CDH18: variants seen among roughly 807,000 people sequenced by gnomAD.
CDH18 encodes the protein cadherin 18.
In CDH18, 31 loss-of-function variants were observed where a neutral mutation model predicts 67.9. The ratio of observed to expected loss-of-function variants is 0.46; its 90% CI spans 0.34 to 0.62. The LOEUF is 0.62. CDH18 is among the 20% of genes least tolerant of loss of function. The pLI, the probability that CDH18 is intolerant of heterozygous loss-of-function variation, is 0.01. For missense variants in CDH18, 890 were observed against 975.5 expected, an observed-to-expected ratio of 0.91 and a Z score of 1.17; for synonymous variants, 362 against 347.2, an observed-to-expected ratio of 1.04 and a Z score of -0.48.
chr5:20,527,896 G>C (rs983476028), intron 1 of CDH18, among the ~76,000 whole-genome samples: 1 of 151,928 alleles, frequency 6.6e-6, no homozygotes, highest in Non-Finnish European at 1.5e-5. Context: ...GACAGGATCA[G>C]ATTCACACAT....
At chr5:20,519,225 AG>A (rs1755570230) in intron 1 of CDH18, among the ~76,000 whole-genome samples, 1 of 152,188 alleles carries the variant, frequency 6.6e-6, no homozygotes, top group Non-Finnish European at 1.5e-5. Context: ...ATAATTAAAA[AG>A]GAGTCAACAA....
At chr5:19,684,981 T>C (rs1760872971) in intron 5 of CDH18, among the ~76,000 whole-genome samples, 1 of 152,090 alleles carries the variant, frequency 6.6e-6, no homozygotes, top group Admixed American at 6.6e-5. Flanking sequence ...AGGAATATTG[T>C]AGGGATAAAT....
chr5:19,733,643 C>T (rs915652327), intron 4 of CDH18, among the ~76,000 whole-genome samples: 24 of 152,232 alleles, frequency 1.6e-4, no homozygotes, highest in African/African-American at 3.6e-4. Context: ...GGAGGGCAGC[C>T]GCCTCGTATG....
chr5:19,815,121 GAATAT>G lies in CDH18; in HGVS notation c.228+23633_228+23637del, dbSNP rs547554180. 5.3e-3 allele frequency among the ~76,000 whole-genome samples: 812 copies of G among 152,070 alleles called. 2 individuals are homozygous for G. The highest frequency in any genetic ancestry group is 0.011 in the South Asian group (55 of 4,812). ...AAAAACTCCTAAGTTACTACAAGCT[GAATAT>G]AATATACTCAAATAAAATTCATTTT... On this transcript the variant is annotated intron_variant, in intron 3 of 12. Coordinates refer to ENST00000382275, the MANE Select transcript of CDH18 (RefSeq NM_004934.5).
intron 5 of CDH18, among the ~76,000 whole-genome samples, chr5:19,681,050 G>A (rs901577408): frequency 4.6e-5 from 7 of 151,788 alleles, no homozygotes; most frequent in Non-Finnish European, 8.8e-5. Context: ...AAGAAAATAT[G>A]GTACATATAC....
At chr5:20,229,057 G>A (rs1431406787) in intron 2 of CDH18, among the ~76,000 whole-genome samples, 1 of 151,936 alleles carries the variant, frequency 6.6e-6, no homozygotes, top group African/African-American at 2.4e-5. Flanking sequence ...TTGTAATTAT[G>A]GGTGTCTTTG....
chr5:20,222,623 T>A (rs1741316622), intron 2 of CDH18, among the ~76,000 whole-genome samples: 1 of 151,956 alleles, frequency 6.6e-6, no homozygotes, highest in South Asian at 2.1e-4. Context: ...CAAAACATTA[T>A]ATATTCTTGA....
At chr5:20,511,518 A>C (rs1363957146) in intron 1 of CDH18, among the ~76,000 whole-genome samples, 1 of 152,228 alleles carries the variant, frequency 6.6e-6, no homozygotes, top group Admixed American at 6.5e-5. Flanking sequence ...AGGCAAATAT[A>C]TCTTCAGTGG....
intron 1 of CDH18, among the ~76,000 whole-genome samples, chr5:20,485,335 A>G (rs1457137129): frequency 6.6e-6 from 1 of 152,124 alleles, no homozygotes; most frequent in Non-Finnish European, 1.5e-5. Flanking sequence ...TGTAATGTTT[A>G]TTGGTCATTC....
chr5:20,529,689 C>T (rs28782829), intron 1 of CDH18, among the ~76,000 whole-genome samples: 3,548 of 152,096 alleles, frequency 0.023, 155 homozygotes, highest in African/African-American at 0.081. Context: ...AATTCAACAT[C>T]TCCTCATGTA....
chr5:19,866,664 C>T (rs1192015824), intron 2 of CDH18, among the ~76,000 whole-genome samples: 2 of 152,172 alleles, frequency 1.3e-5, no homozygotes, highest in African/African-American at 4.8e-5. Context: ...TCATCCAGAA[C>T]AGTCTCATTT....
intron 2 of CDH18, among the ~76,000 whole-genome samples, chr5:20,112,629 G>T (rs2126353298): frequency 6.6e-6 from 1 of 152,230 alleles, no homozygotes; most frequent in South Asian, 2.1e-4. Context: ...CAGGAGAATT[G>T]CTTGAACCCT....
At chr5:20,467,645 A>G (rs956223619) in intron 1 of CDH18, among the ~76,000 whole-genome samples, 1 of 152,206 alleles carries the variant, frequency 6.6e-6, no homozygotes, top group African/African-American at 2.4e-5. Context: ...TGTACCAAAA[A>G]CAACATTAGC....
intron 8 of CDH18, among the ~76,000 whole-genome samples, chr5:19,561,516 G>T (rs956905267): frequency 6.6e-6 from 1 of 152,108 alleles, no homozygotes; most frequent in Admixed American, 6.6e-5. Flanking sequence ...GGGAAAGGGT[G>T]TGAGGGTGAG....
At chr5:20,221,817 T>C (rs113415365) in intron 2 of CDH18, among the ~76,000 whole-genome samples, 25 of 152,288 alleles carry the variant, frequency 1.6e-4, no homozygotes, top group African/African-American at 5.8e-4. Context: ...TTTCTATTAT[T>C]GTGTCACTTC....
chr5:20,097,757 C>T (rs892664120), intron 2 of CDH18, among the ~76,000 whole-genome samples: 2 of 152,078 alleles, frequency 1.3e-5, no homozygotes, highest in African/African-American at 4.8e-5. Flanking sequence ...TTGATAGTCA[C>T]TATTCTTTTG....
intron 1 of CDH18, among the ~76,000 whole-genome samples, chr5:20,515,503 A>G (rs1755312637): frequency 6.6e-6 from 1 of 151,968 alleles, no homozygotes; most frequent in Non-Finnish European, 1.5e-5. Context: ...ACGAAAATAC[A>G]ATTTAAATGC....
intron 2 of CDH18, among the ~76,000 whole-genome samples, chr5:19,870,597 C>G (rs552845332): frequency 2.3e-3 from 353 of 152,136 alleles, no homozygotes; most frequent in Middle Eastern, 3.4e-3. Flanking sequence ...GGAGCCACAC[C>G]TCCCCTGAGC....
intron 2 of CDH18, among the ~76,000 whole-genome samples, chr5:19,903,583 C>A (rs1326521311): frequency 2.5e-5 from 3 of 117,824 alleles, no homozygotes. Flanking sequence ...AGCCTCAGCC[C>A]TCATGCCAGT....
Sources: allele counts gnomAD v4.1 joint callset (sites outside exome capture counted in the v4.1 genomes callset), GRCh38; gene constraint gnomAD v4.1.1; transcripts MANE v1.5; gene names NCBI Gene and HGNC (gene_info 2026-07-23, HGNC 2026-07-21).